Variants in F13A1 observed in about 807,000 individuals in gnomAD.
F13A1 encodes the protein coagulation factor XIII A chain.
In F13A1, 47 loss-of-function variants were observed where a neutral mutation model predicts 80.1. That is an observed-to-expected ratio of 0.59 (90% CI 0.46 to 0.75). The LOEUF (loss-of-function observed/expected upper bound fraction) is 0.75, where lower values mean the gene tolerates loss of function less well. Among genes scored for constraint, F13A1 ranks in the 30% least tolerant of loss-of-function variants. F13A1 has a pLI of 0.00. For missense variants in F13A1, 817 were observed against 930.4 expected, an observed-to-expected ratio of 0.88 and a Z score of 1.59; for synonymous variants, 349 against 344.9, an observed-to-expected ratio of 1.01 and a Z score of -0.13.
rs557013739 is a variant in F13A1 at position 6,212,438 on chromosome 6, G to A, written c.1112+9595C>T. Among the ~76,000 whole-genome samples the A allele has an allele frequency of 9.2e-5, 14 of 152,302 alleles. No individual in the cohort carries two copies. In the South Asian group the frequency reaches 1.2e-3, roughly 14 times the overall value. ...GGGCACACTGACACCTCACACGGCC[G>A]GGTACTCCAACAGATCTGCAGCTGA... On this transcript the variant is annotated intron_variant, in intron 8 of 14. Transcript: ENST00000264870.
intron 3 of F13A1, among the ~76,000 whole-genome samples, chr6:6,286,244 T>A (rs4960185): frequency 6.6e-6 from 1 of 152,020 alleles, no homozygotes; most frequent in African/African-American, 2.4e-5. Flanking sequence ...AAATTAGCCG[T>A]GTGTTGTGGC....
rs143683034 is a variant in F13A1, at chr6:6,147,741, G to A, written c.2046-1969C>T. On this transcript the variant is annotated intron_variant, in intron 14 of 14. Transcript: ENST00000264870. The stretch of plus-strand genomic sequence containing the variant: ...TTTTCTCTTACTCATAAAACCATCC[G>A]GCATAATGATGTGTACATACGAAAA... 1.5e-3 allele frequency among the ~76,000 whole-genome samples: 230 copies of A among 152,128 alleles called. 2 individuals carry two copies. Among genetic ancestry groups the A allele is most frequent in the Middle Eastern group, 3.4e-3 (1 of 294 alleles).
chr6:6,276,167 G>C (rs1158063753), intron 3 of F13A1, among the ~76,000 whole-genome samples: 2 of 152,200 alleles, frequency 1.3e-5, no homozygotes, highest in Admixed American at 1.3e-4. Flanking sequence ...AGAATCTTCT[G>C]TCAGGTTCCA....
rs1218725476 is a variant in F13A1, at chr6:6,144,198, T to C, written c.*1421A>G. ...TGCATTTCATTTTAAAATTGGATAT[T>C]GGGAGACTTGGCAAATGCTGTGAGA... On this transcript the variant is annotated 3_prime_UTR_variant, in exon 15 of 15. Coordinates refer to ENST00000264870, the MANE Select transcript of F13A1 (RefSeq NM_000129.4). 6.6e-6 allele frequency: 1 copy of C among 152,206 alleles called. No homozygotes were observed. The highest frequency in any genetic ancestry group is 1.9e-4 in the East Asian group (1 of 5,204). The allele number at this position is 152,206 out of a possible 1,614,324, so 9.4% of individuals were successfully genotyped here.
chr6:6,159,228 G>A (rs997163910), intron 13 of F13A1, among the ~76,000 whole-genome samples: 7 of 151,950 alleles, frequency 4.6e-5, no homozygotes, highest in African/African-American at 1.5e-4. Flanking sequence ...GTGTCCTCTG[G>A]GATAAAGTTG....
At position 6,193,113 on chromosome 6, in the gene F13A1, G is replaced by A. The variant is rs141422933; in HGVS notation, c.1305+2684C>T. 5.3e-5 allele frequency among the ~76,000 whole-genome samples: 8 copies of A among 152,278 alleles called. 1 individual carries two copies. The highest frequency in any genetic ancestry group is 1.9e-4 in the African/African-American group (8 of 41,560). Reference sequence around the variant, plus strand: ...GGAGGACATGGGAAGGGAGGGGTAAGAGAAATAAGCTTCAAGCCCTGGCAG... The same window carrying A: ...GGAGGACATGGGAAGGGAGGGGTAAAAGAAATAAGCTTCAAGCCCTGGCAG... On this transcript the variant is annotated intron_variant, in intron 10 of 14. Transcript: ENST00000264870.
intron 11 of F13A1, among the ~76,000 whole-genome samples, chr6:6,178,563 G>C (rs961799339): frequency 6.6e-6 from 1 of 152,098 alleles, no homozygotes; most frequent in Non-Finnish European, 1.5e-5. Flanking sequence ...GGACATTTAG[G>C]TAAAGTCCCG....
At position 6,289,305 on chromosome 6, in the gene F13A1, ATCACGTGAGCTGTCAT is replaced by A. The variant is rs932646051; in HGVS notation, c.319+16030_319+16045del. 3.3e-5 allele frequency among the ~76,000 whole-genome samples: 5 copies of A among 152,244 alleles called. 1 individual carries two copies. The East Asian group carries it at 9.7e-4, about 29-fold the overall frequency. On this transcript the variant is annotated intron_variant, in intron 3 of 14. Transcript: ENST00000264870. ...AAAAAGGGCTTCATTTAGCCCTTTA[ATCACGTGAGCTGTCAT>A]CCCTGAGATGGCCTACAAATGGCAG...
chr6:6,288,960 T>C (rs1195434920), intron 3 of F13A1, among the ~76,000 whole-genome samples: 1 of 152,200 alleles, frequency 6.6e-6, no homozygotes, highest in Admixed American at 6.5e-5. Flanking sequence ...TTTTGAGAAA[T>C]GTTTGCTCAG....
At chr6:6,294,965 A>G (rs1052489434) in intron 3 of F13A1, among the ~76,000 whole-genome samples, 17 of 142,442 alleles carry the variant, frequency 1.2e-4, no homozygotes, top group Admixed American at 9.3e-4. Context: ...TCATTGTTCA[A>G]TTCCCACCTG....
At chr6:6,217,790 A>T (rs114998538) in intron 8 of F13A1, among the ~76,000 whole-genome samples, 2,160 of 152,342 alleles carry the variant, frequency 0.014, 48 homozygotes, top group African/African-American at 0.048. Context: ...ACATAATGAG[A>T]ATTAGGATTA....
At chr6:6,236,692 T>C (rs146241967) in intron 6 of F13A1, among the ~76,000 whole-genome samples, 4 of 152,258 alleles carry the variant, frequency 2.6e-5, no homozygotes, top group African/African-American at 7.2e-5. Flanking sequence ...TTAAATTTCA[T>C]TGTTAAAAGT....
intron 6 of F13A1, among the ~76,000 whole-genome samples, chr6:6,244,729 CT>C (rs1757531581): frequency 1.3e-5 from 2 of 152,152 alleles, no homozygotes; most frequent in Non-Finnish European, 2.9e-5. Context: ...CAAAATTTCA[CT>C]TTAAAGACAA....
chr6:6,167,341 T>G, intron 13 of F13A1, 117 bp downstream of exon 13: 1 of 909,522 alleles, frequency 1.1e-6, no homozygotes. Context: ...TTTTTTTTTT[T>G]TTTTTGAGCA....
intron 10 of F13A1, among the ~76,000 whole-genome samples, chr6:6,194,396 C>T (rs1277332023): frequency 2.6e-5 from 4 of 152,212 alleles, no homozygotes; most frequent in Non-Finnish European, 2.9e-5. Context: ...ACTCATCCCC[C>T]TGCTTTGCAC....
At chr6:6,234,333 A>T (rs1471104080) in intron 6 of F13A1, among the ~76,000 whole-genome samples, 1 of 152,076 alleles carries the variant, frequency 6.6e-6, no homozygotes, top group African/African-American at 2.4e-5. Flanking sequence ...CAAATCAAGC[A>T]TTCAGCCCCC....
chr6:6,288,293 T>G (rs1272325456), intron 3 of F13A1, among the ~76,000 whole-genome samples: 1 of 152,256 alleles, frequency 6.6e-6, no homozygotes, highest in Non-Finnish European at 1.5e-5. Flanking sequence ...ACTGAGACTT[T>G]GTACCCATTG....
At chr6:6,174,929 T>A in intron 11 of F13A1, 62 bp from the exon 12 acceptor site, 1 of 1,591,760 alleles carries the variant, frequency 6.3e-7, no homozygotes, top group Non-Finnish European at 8.6e-7. Flanking sequence ...AAAGTCACAT[T>A]AATGGATGCA....
chr6:6,281,059 C>A (rs1458678758), intron 3 of F13A1, among the ~76,000 whole-genome samples: 1 of 152,156 alleles, frequency 6.6e-6, no homozygotes, highest in African/African-American at 2.4e-5. Flanking sequence ...CATGGCTCCC[C>A]ATGAAAACGG....
Sources: gnomAD v4.1 joint callset for allele counts (sites outside exome capture counted in the v4.1 genomes callset) on GRCh38, gnomAD v4.1.1 for gene constraint, MANE v1.5 for transcripts, NCBI Gene and HGNC (gene_info 2026-07-23, HGNC 2026-07-21) for gene names.